ZRANB3: variants seen among roughly 807,000 people sequenced by gnomAD.
The protein encoded by ZRANB3 is zinc finger RANBP2-type containing 3.
Under a neutral mutation model 133.8 loss-of-function variants are expected in ZRANB3, and 125 were observed. The observed-to-expected ratio is 0.93, with a 90% CI of 0.81 to 1.08. The LOEUF is 1.08. Ranked by LOEUF, ZRANB3 falls within the 50% of genes least tolerant of loss-of-function variation. The pLI is 0.00. For missense variants in ZRANB3, 1,229 were observed against 1,275.5 expected, an observed-to-expected ratio of 0.96 and a Z score of 0.56; for synonymous variants, 387 against 432.7, an observed-to-expected ratio of 0.89 and a Z score of 1.31.
Position 135,385,448 on chromosome 2 carries a change from A to T in ZRANB3, c.180+5354T>A, listed in dbSNP as rs191322183. Among the ~76,000 whole-genome samples, 96 of 152,294 alleles carry T rather than the reference A, an allele frequency of 6.3e-4. 2 individuals are homozygous for T. The East Asian group carries it at 0.014, about 22-fold the overall frequency. On this transcript the variant is annotated intron_variant, in intron 3 of 20. Transcript: ENST00000264159. ...AATTTATAGATTCAATGCCACCCCCATCAAGCTACCAATGACTTTCTTCAC... is the reference window on the plus strand; with the variant it reads ...AATTTATAGATTCAATGCCACCCCCTTCAAGCTACCAATGACTTTCTTCAC...
At chr2:135,477,374 C>G (rs925363873) in intron 2 of ZRANB3, among the ~76,000 whole-genome samples, 1 of 152,210 alleles carries the variant, frequency 6.6e-6, no homozygotes, top group Non-Finnish European at 1.5e-5. Flanking sequence ...ACAGAATACT[C>G]CCTTGACAAC....
At chr2:135,386,897 G>A (rs1047254699) in intron 3 of ZRANB3, among the ~76,000 whole-genome samples, 4 of 151,676 alleles carry the variant, frequency 2.6e-5, no homozygotes, top group African/African-American at 9.7e-5. Context: ...TGTAAATGAT[G>A]AGTTGATGGG....
intron 2 of ZRANB3, among the ~76,000 whole-genome samples, chr2:135,420,123 AT>A (rs1372174889): frequency 8.9e-4 from 79 of 88,418 alleles, no homozygotes; most frequent in African/African-American, 5.6e-3. Flanking sequence ...ATATATATAT[AT>A]AACTTATAGA....
chr2:135,215,881 C>T (rs1193953514), intron 17 of ZRANB3, among the ~76,000 whole-genome samples: 1 of 152,112 alleles, frequency 6.6e-6, no homozygotes, highest in Non-Finnish European at 1.5e-5. Context: ...TGGGCCTCTA[C>T]CCACTAGATA....
rs897005443 is a variant in ZRANB3 at position 135,414,161 on chromosome 2, A to G, written c.162-23341T>C. 2.0e-5 allele frequency among the ~76,000 whole-genome samples: 3 copies of G among 152,162 alleles called. No homozygotes were observed. The East Asian group carries it at 5.8e-4, about 29-fold the overall frequency. ...CCATTTAAAAGACACAGACTGGCAA[A>G]TTGGATAAAGAGTCAAGACCCATCA... On this transcript the variant is annotated intron_variant, in intron 2 of 20. Coordinates refer to ENST00000264159, the MANE Select transcript of ZRANB3 (RefSeq NM_032143.4).
intron 2 of ZRANB3, among the ~76,000 whole-genome samples, chr2:135,402,454 C>T (rs1460240799): frequency 1.3e-5 from 2 of 151,932 alleles, no homozygotes; most frequent in East Asian, 3.9e-4. Flanking sequence ...ACCACCACGT[C>T]CGGCTAATTT....
intron 2 of ZRANB3, among the ~76,000 whole-genome samples, chr2:135,492,054 A>T (rs1226542096): frequency 6.6e-6 from 1 of 152,218 alleles, no homozygotes; most frequent in Non-Finnish European, 1.5e-5. Context: ...CCAAACCTTT[A>T]AATTACTAAT....
chr2:135,383,312 T>G (rs534696802), intron 3 of ZRANB3, among the ~76,000 whole-genome samples: 1 of 152,264 alleles, frequency 6.6e-6, no homozygotes, highest in East Asian at 1.9e-4. Context: ...CAAATATACA[T>G]GCACCAAATA....
At chr2:135,468,865 C>A (rs1691122965) in intron 2 of ZRANB3, among the ~76,000 whole-genome samples, 3 of 152,014 alleles carry the variant, frequency 2.0e-5, no homozygotes, top group African/African-American at 7.2e-5. Context: ...TCATAAGTAG[C>A]CTGAATTCTA....
At chr2:135,369,346 A>T (rs113182927) in intron 3 of ZRANB3, among the ~76,000 whole-genome samples, 142 of 152,296 alleles carry the variant, frequency 9.3e-4, no homozygotes, top group African/African-American at 3.2e-3. Flanking sequence ...CATCATTACA[A>T]ATATATTTTA....
chr2:135,423,077 C>A (rs894446709), intron 2 of ZRANB3, among the ~76,000 whole-genome samples: 1 of 152,176 alleles, frequency 6.6e-6, no homozygotes, highest in Admixed American at 6.5e-5. Flanking sequence ...TTTGTAGGCA[C>A]ATCATTCTAA....
chr2:135,332,140 A>G (rs1381225839), intron 6 of ZRANB3, among the ~76,000 whole-genome samples: 1 of 152,158 alleles, frequency 6.6e-6, no homozygotes, highest in African/African-American at 2.4e-5. Context: ...CAGTTTACTT[A>G]TTAGTATAGT....
intron 3 of ZRANB3, among the ~76,000 whole-genome samples, chr2:135,373,287 C>A (rs1686266867): frequency 1.3e-5 from 2 of 152,026 alleles, no homozygotes; most frequent in Admixed American, 1.3e-4. Flanking sequence ...GAAAACCAGA[C>A]AAGTACGGTA....
chr2:135,274,606 T>A (rs1316846897), intron 9 of ZRANB3, among the ~76,000 whole-genome samples: 3 of 152,108 alleles, frequency 2.0e-5, no homozygotes, highest in Admixed American at 6.5e-5. Flanking sequence ...TTTTTTAAAT[T>A]TTTTTAATTT....
At chr2:135,352,592 T>A (rs765574306) in intron 4 of ZRANB3, among the ~76,000 whole-genome samples, 4 of 152,156 alleles carry the variant, frequency 2.6e-5, no homozygotes, top group Non-Finnish European at 5.9e-5. Flanking sequence ...AGGTTGAAAG[T>A]GAAAAGGCCC....
chr2:135,219,222 G>T, intron 15 of ZRANB3, 44 bp from the exon 16 acceptor site: 1 of 1,203,802 alleles, frequency 8.3e-7, no homozygotes, highest in Non-Finnish European at 1.1e-6. Flanking sequence ...TTTTTGTATA[G>T]GCACTAGTAA....
chr2:135,275,598 C>A (rs1680771930), intron 9 of ZRANB3, 38 bp downstream of exon 9: 2 of 1,515,196 alleles, frequency 1.3e-6, no homozygotes, highest in South Asian at 1.3e-5. Flanking sequence ...TAAAAATATG[C>A]ATTCTAAAAA....
At chr2:135,529,818 A>C (rs923187868) in intron 1 of ZRANB3, among the ~76,000 whole-genome samples, 10 of 150,440 alleles carry the variant, frequency 6.6e-5, no homozygotes, top group Admixed American at 6.6e-5. Context: ...CCTGTCTGCC[A>C]CTCGTTTAAT....
intron 1 of ZRANB3, among the ~76,000 whole-genome samples, chr2:135,530,890 G>A (rs6727251): frequency 0.01 from 1,575 of 152,266 alleles, 25 homozygotes; most frequent in African/African-American, 0.036. Context: ...GTTATGAGTA[G>A]GGGAAAAGCA....
Sources: gnomAD v4.1 joint callset for allele counts (sites outside exome capture counted in the v4.1 genomes callset) on GRCh38, gnomAD v4.1.1 for gene constraint, MANE v1.5 for transcripts, NCBI Gene and HGNC (gene_info 2026-07-23, HGNC 2026-07-21) for gene names.